Variants in PRKAR2B observed in about 807,000 individuals in gnomAD.
The protein encoded by PRKAR2B is protein kinase cAMP-dependent type II regulatory subunit beta, also known as cAMP-dependent protein kinase type II-beta regulatory subunit.
PRKAR2B carries 14 observed loss-of-function variants against 49.9 expected under a neutral mutation model. The ratio of observed to expected loss-of-function variants is 0.28; its 90% CI spans 0.19 to 0.44. The LOEUF (loss-of-function observed/expected upper bound fraction) is 0.44, where lower values mean the gene tolerates loss of function less well. PRKAR2B is among the 20% of genes least tolerant of loss of function. PRKAR2B has a pLI of 1.00. For missense variants in PRKAR2B, 393 were observed against 537.9 expected, an observed-to-expected ratio of 0.73 and a Z score of 2.67; for synonymous variants, 196 against 197.7, an observed-to-expected ratio of 0.99 and a Z score of 0.07.
intron 2 of PRKAR2B, among the ~76,000 whole-genome samples, chr7:107,092,075 T>C (rs969252500): frequency 6.6e-6 from 1 of 152,144 alleles, no homozygotes; most frequent in Non-Finnish European, 1.5e-5. Flanking sequence ...TAATATGATG[T>C]TCAGGGAATA....
intron 2 of PRKAR2B, among the ~76,000 whole-genome samples, chr7:107,103,376 C>T (rs1416486461): frequency 6.6e-6 from 1 of 152,198 alleles, no homozygotes; most frequent in Non-Finnish European, 1.5e-5. Flanking sequence ...TTGATGTAGG[C>T]AAACCCCAGG....
intron 4 of PRKAR2B, among the ~76,000 whole-genome samples, chr7:107,130,639 A>G (rs1325206070): frequency 6.6e-6 from 1 of 152,192 alleles, no homozygotes; most frequent in Non-Finnish European, 1.5e-5. Context: ...TTGTTTGCTC[A>G]GTTCATTCAA....
At chr7:107,120,575 A>G (rs568967891) in intron 2 of PRKAR2B, among the ~76,000 whole-genome samples, 75 of 152,300 alleles carry the variant, frequency 4.9e-4, no homozygotes, top group Non-Finnish European at 7.9e-4. Context: ...AATAAACTCC[A>G]TGTAGATTAA....
chr7:107,073,154 CAT>C (rs1392327528), intron 2 of PRKAR2B, among the ~76,000 whole-genome samples: 1 of 152,172 alleles, frequency 6.6e-6, no homozygotes, highest in Non-Finnish European at 1.5e-5. Flanking sequence ...ATCTATCAAA[CAT>C]AAATATTTCA....
Position 107,151,365 on chromosome 7 carries a change from C to T in PRKAR2B, c.843+342C>T, listed in dbSNP as rs373522230. On this transcript the variant is annotated intron_variant, in intron 7 of 10. Coordinates refer to ENST00000265717, the MANE Select transcript of PRKAR2B (RefSeq NM_002736.3). ...GAGGCGTTCTCTAGATATAGAATGT[C>T]CTCTCTGGCCTCTTCCTCTCAGTCA... Among the ~76,000 whole-genome samples the T allele has an allele frequency of 1.7e-4, 26 of 152,282 alleles. No homozygotes were observed. The East Asian group carries it at 2.9e-3, about 17-fold the overall frequency.
chr7:107,151,777 G>A (rs1795992934), intron 7 of PRKAR2B, among the ~76,000 whole-genome samples: 1 of 152,098 alleles, frequency 6.6e-6, no homozygotes, highest in Non-Finnish European at 1.5e-5. Flanking sequence ...TCTCTGCCTG[G>A]CGTTGTACTG....
intron 1 of PRKAR2B, among the ~76,000 whole-genome samples, chr7:107,056,658 G>A (rs1348297059): frequency 6.6e-6 from 1 of 152,172 alleles, no homozygotes; most frequent in African/African-American, 2.4e-5. Flanking sequence ...TTTTCACACT[G>A]ATTTTGTATC....
intron 2 of PRKAR2B, among the ~76,000 whole-genome samples, chr7:107,097,876 TC>T (rs1305341889): frequency 6.6e-6 from 1 of 152,244 alleles, no homozygotes; most frequent in Non-Finnish European, 1.5e-5. Context: ...TGCCGAGAGA[TC>T]CACTGTTAGT....
Position 107,069,890 on chromosome 7 carries a change from T to G in PRKAR2B, c.308-391T>G, listed in dbSNP as rs193091707. 1.8e-3 allele frequency: 275 copies of G among 155,398 alleles called. 1 individual carries two copies. Among genetic ancestry groups the G allele is most frequent in the Middle Eastern group, 6.7e-3 (2 of 300 alleles). The allele number at this position is 155,398 out of a possible 1,614,324, so 9.6% of individuals were successfully genotyped here. On this transcript the variant is annotated intron_variant, in intron 1 of 10. Transcript: ENST00000265717. ...CATACATTGCTCTTTCCTTCACTAG[T>G]AGTACTTCTTTAGGTTAAATCTCTA... is the stretch of plus-strand genomic sequence containing the variant.
intron 2 of PRKAR2B, among the ~76,000 whole-genome samples, chr7:107,071,168 C>T (rs1053204150): frequency 2.2e-4 from 33 of 152,102 alleles, no homozygotes; most frequent in African/African-American, 8.0e-4. Context: ...TTAAGTATAC[C>T]TGGAAATTTT....
chr7:107,044,752 G>C lies in PRKAR2B; in HGVS notation c.-156G>C, dbSNP rs1793653416. On this transcript the variant is annotated 5_prime_UTR_variant, in exon 1 of 11. Coordinates refer to ENST00000265717, the MANE Select transcript of PRKAR2B (RefSeq NM_002736.3). Reference sequence around the variant, plus strand: ...GGAGCAGACGCGCGCCGGGAGCCGCGGGCCGGGCCAGCCGGGCCGCCGGGG... The same window carrying C: ...GGAGCAGACGCGCGCCGGGAGCCGCCGGCCGGGCCAGCCGGGCCGCCGGGG... 3.9e-6 allele frequency: 1 copy of C among 256,500 alleles called. No individual in the cohort carries two copies. The highest frequency in any genetic ancestry group is 1.3e-4 in the South Asian group (1 of 7,716). 15.9% of individuals were successfully genotyped at this position (256,500 alleles called of 1,614,324 possible). A position where few individuals can be genotyped will look rare whatever the true frequency, so the allele number is the denominator to read the frequency against.
chr7:107,090,571 C>G (rs958793384), intron 2 of PRKAR2B, among the ~76,000 whole-genome samples: 1 of 152,178 alleles, frequency 6.6e-6, no homozygotes, highest in Non-Finnish European at 1.5e-5. Flanking sequence ...GACTGGCTGC[C>G]CTGAAGAAGC....
chr7:107,047,312 A>G (rs536535960), intron 1 of PRKAR2B, among the ~76,000 whole-genome samples: 7 of 152,338 alleles, frequency 4.6e-5, no homozygotes, highest in South Asian at 4.1e-4. Context: ...TTTAAATTGT[A>G]TTGAGACCTC....
At chr7:107,148,330 G>C (rs1562871598) in intron 6 of PRKAR2B, among the ~76,000 whole-genome samples, 1 of 152,186 alleles carries the variant, frequency 6.6e-6, no homozygotes, top group South Asian at 2.1e-4. Context: ...CACATCTTCA[G>C]AATAAGATCA....
intron 1 of PRKAR2B, 42 bp downstream of exon 1, chr7:107,045,256 G>A (rs1263579200): frequency 1.5e-6 from 2 of 1,375,406 alleles, no homozygotes; most frequent in Non-Finnish European, 9.4e-7. Context: ...GGATCCCCTC[G>A]CTGCCCCCCA....
chr7:107,124,838 T>A (rs1159486415), intron 3 of PRKAR2B, among the ~76,000 whole-genome samples: 1 of 152,164 alleles, frequency 6.6e-6, no homozygotes, highest in Non-Finnish European at 1.5e-5. Flanking sequence ...TTGGCAAACT[T>A]TTTTTGGTAA....
chr7:107,114,844 G>C (rs1254695462), intron 2 of PRKAR2B, among the ~76,000 whole-genome samples: 1 of 152,070 alleles, frequency 6.6e-6, no homozygotes, highest in Non-Finnish European at 1.5e-5. Context: ...GTCCCTTAAA[G>C]AGTAGTGGTA....
chr7:107,149,580 T>C (rs1007887899), intron 6 of PRKAR2B, among the ~76,000 whole-genome samples: 4 of 152,098 alleles, frequency 2.6e-5, no homozygotes, highest in Non-Finnish European at 5.9e-5. Context: ...GGCTCCAGCC[T>C]CATGACCTAA....
At chr7:107,099,930 G>GGCCAGTCCTGTGCCCA (rs991385993) in intron 2 of PRKAR2B, among the ~76,000 whole-genome samples, 1 of 152,086 alleles carries the variant, frequency 6.6e-6, no homozygotes, top group African/African-American at 2.4e-5. Context: ...CACCGTGCCC[G>GGCCAGTCCTGTGCCCA]GCCAGTCCTG....
Sources: gnomAD v4.1 joint callset for allele counts (sites outside exome capture counted in the v4.1 genomes callset) on GRCh38, gnomAD v4.1.1 for gene constraint, MANE v1.5 for transcripts, NCBI Gene and HGNC (gene_info 2026-07-23, HGNC 2026-07-21) for gene names.